DAAM2: variants seen among roughly 807,000 people sequenced by gnomAD.
The protein encoded by DAAM2 is dishevelled associated activator of morphogenesis 2.
A neutral mutation model predicts 120.7 loss-of-function variants in DAAM2; 39 were observed. The ratio of observed to expected loss-of-function variants is 0.32; its 90% CI spans 0.25 to 0.42. DAAM2 has a LOEUF of 0.42. Among genes scored for constraint, DAAM2 ranks in the 10% least tolerant of loss-of-function variants. DAAM2 has a pLI of 1.00. For missense variants in DAAM2, 1,283 were observed against 1,401.7 expected, an observed-to-expected ratio of 0.92 and a Z score of 1.35; for synonymous variants, 488 against 524.9, an observed-to-expected ratio of 0.93 and a Z score of 0.96.
At chr6:39,856,971 G>T (rs1249979123) in intron 2 of DAAM2, among the ~76,000 whole-genome samples, 2 of 152,158 alleles carry the variant, frequency 1.3e-5, no homozygotes, top group Non-Finnish European at 2.9e-5. Flanking sequence ...CATGCCTGGG[G>T]TCCCAGTTCA....
At chr6:39,837,456 AG>A (rs553743024) in intron 1 of DAAM2, among the ~76,000 whole-genome samples, 14 of 152,136 alleles carry the variant, frequency 9.2e-5, no homozygotes, top group East Asian at 7.7e-4. Context: ...TGCCCACCTC[AG>A]CCTCCCAAAG....
At chr6:39,795,167 C>A (rs1454098292) in intron 1 of DAAM2, among the ~76,000 whole-genome samples, 1 of 152,208 alleles carries the variant, frequency 6.6e-6, no homozygotes, top group Non-Finnish European at 1.5e-5. Context: ...TTCTGGCCAG[C>A]TCTTTGGTCA....
intron 14 of DAAM2, among the ~76,000 whole-genome samples, chr6:39,882,719 G>GCACA (rs1055877250): frequency 3.4e-5 from 3 of 87,740 alleles, no homozygotes; most frequent in African/African-American, 1.2e-4. Flanking sequence ...ACACACACAC[G>GCACA]CACACACACA....
At chr6:39,874,582 A>G (rs1764793203) in intron 10 of DAAM2, among the ~76,000 whole-genome samples, 1 of 152,112 alleles carries the variant, frequency 6.6e-6, no homozygotes, top group South Asian at 2.1e-4. Flanking sequence ...CCTTGTAGGC[A>G]TTGTGGTTTG....
intron 1 of DAAM2, among the ~76,000 whole-genome samples, chr6:39,793,621 C>T (rs540469836): frequency 1.3e-5 from 2 of 152,242 alleles, no homozygotes; most frequent in South Asian, 4.2e-4. Context: ...GTGTTTTCCC[C>T]CTTCTGAGTT....
intron 1 of DAAM2, among the ~76,000 whole-genome samples, chr6:39,798,200 T>C (rs1421953393): frequency 6.6e-6 from 1 of 152,234 alleles, no homozygotes; most frequent in Non-Finnish European, 1.5e-5. Context: ...TAGAATCAGA[T>C]AAACCTATGT....
chr6:39,836,777 C>T lies in DAAM2; in HGVS notation c.-56-19470C>T, dbSNP rs199970261. ...TCCACCCTAGATTTGGGGGAAAGCC[C>T]ATTTGTTAACTGCCATTACTCATCC... On this transcript the variant is annotated intron_variant, in intron 1 of 24. Coordinates refer to ENST00000274867, the MANE Select transcript of DAAM2 (RefSeq NM_001201427.2). 7.2e-5 allele frequency among the ~76,000 whole-genome samples: 11 copies of T among 152,338 alleles called. No homozygotes were observed. In the East Asian group the frequency reaches 2.1e-3, roughly 29 times the overall value.
intron 1 of DAAM2, among the ~76,000 whole-genome samples, chr6:39,836,186 T>C (rs1358099933): frequency 1.3e-5 from 2 of 152,248 alleles, no homozygotes; most frequent in African/African-American, 4.8e-5. Flanking sequence ...TCATTCTCAG[T>C]TCTGTGCACT....
Position 39,901,768 on chromosome 6 carries a change from C to A in DAAM2, c.2983-45C>A. The stretch of plus-strand genomic sequence containing the variant: ...GGTTGGGGGGCTGCCCTGGCCTCAG[C>A]GCCTCTCCCTGAGAGGGTTCCTATC... On this transcript the variant is annotated intron_variant, in intron 24 of 24. Coordinates refer to ENST00000274867, the MANE Select transcript of DAAM2 (RefSeq NM_001201427.2). The surrounding 1 kb of genome is among the most constrained non-coding windows in gnomAD (Gnocchi z 4.5). The A allele has an allele frequency of 6.8e-7, 1 of 1,461,948 alleles. No individual in the cohort carries two copies. The highest frequency in any genetic ancestry group is 9.0e-7 in the Non-Finnish European group (1 of 1,105,864). 90.6% of individuals were successfully genotyped at this position (1,461,948 alleles called of 1,614,324 possible).
intron 16 of DAAM2, 21 bp from the exon 17 acceptor site, chr6:39,888,658 T>C (rs1330978161): frequency 6.2e-7 from 1 of 1,610,892 alleles, no homozygotes; most frequent in Non-Finnish European, 8.5e-7. Flanking sequence ...TGTCCTGGAT[T>C]GAGGTGGGGT....
chr6:39,816,440 G>A (rs1762312390), intron 1 of DAAM2, among the ~76,000 whole-genome samples: 2 of 152,068 alleles, frequency 1.3e-5, no homozygotes, highest in Non-Finnish European at 2.9e-5. Context: ...TATATAGGAG[G>A]CTTATTAACA....
chr6:39,886,139 T>TTG (rs1765369120), intron 15 of DAAM2: 1 of 344,596 alleles, frequency 2.9e-6, no homozygotes, highest in South Asian at 1.5e-4. Flanking sequence ...ACTCAGGGGT[T>TTG]TGGTCTGCCC....
chr6:39,875,246 G>A, intron 10 of DAAM2, 84 bp from the exon 11 acceptor site: 2 of 1,499,130 alleles, frequency 1.3e-6, no homozygotes, highest in South Asian at 1.3e-5. Flanking sequence ...TGCCTCACCA[G>A]CCAGACCCCA....
intron 1 of DAAM2, among the ~76,000 whole-genome samples, chr6:39,855,767 C>T (rs1763974289): frequency 6.6e-6 from 1 of 152,208 alleles, no homozygotes; most frequent in South Asian, 2.1e-4. Flanking sequence ...GTTTCCTCTG[C>T]CAGCCTTCTT....
chr6:39,796,333 G>A (rs1454018655), intron 1 of DAAM2, among the ~76,000 whole-genome samples: 2 of 152,136 alleles, frequency 1.3e-5, no homozygotes, highest in Non-Finnish European at 2.9e-5. Context: ...TGACTTTTAA[G>A]CTTTTAAGAG....
chr6:39,825,643 C>T (rs762965109), intron 1 of DAAM2, among the ~76,000 whole-genome samples: 2 of 152,092 alleles, frequency 1.3e-5, no homozygotes, highest in East Asian at 1.9e-4. Flanking sequence ...CTGCTCCCAC[C>T]GTGGCTGTGA....
chr6:39,823,568 G>C (rs186980812), intron 1 of DAAM2, among the ~76,000 whole-genome samples: 137 of 152,300 alleles, frequency 9.0e-4, no homozygotes, highest in African/African-American at 3.0e-3. Context: ...AGGGGGAAGT[G>C]TGGGGCCTCC....
chr6:39,795,979 C>G (rs113953958), intron 1 of DAAM2, among the ~76,000 whole-genome samples: 34 of 152,204 alleles, frequency 2.2e-4, no homozygotes, highest in Non-Finnish European at 4.6e-4. Context: ...TCTTGAAGGA[C>G]AAGCCTGAGT....
intron 1 of DAAM2, among the ~76,000 whole-genome samples, chr6:39,818,059 G>A (rs754153564): frequency 7.9e-5 from 12 of 151,810 alleles, no homozygotes; most frequent in Non-Finnish European, 1.8e-4. Flanking sequence ...CACGCCTGTA[G>A]TCCTAGCTAT....
Sources: allele counts gnomAD v4.1 joint callset (sites outside exome capture counted in the v4.1 genomes callset), GRCh38; gene constraint gnomAD v4.1.1; non-coding constraint Gnocchi (gnomAD v3.1); transcripts MANE v1.5; gene names NCBI Gene and HGNC (gene_info 2026-07-23, HGNC 2026-07-21).